The following VPS37A variants were observed in gnomAD, a reference collection of about 807,000 sequenced individuals.
The protein encoded by VPS37A is VPS37A subunit of ESCRT-I.
VPS37A carries 30 observed loss-of-function variants against 49.8 expected under a neutral mutation model. That is an observed-to-expected ratio of 0.60 (90% CI 0.45 to 0.82). The LOEUF is 0.82. Among genes scored for constraint, VPS37A ranks in the 40% least tolerant of loss-of-function variants. The pLI is 0.00. For missense variants in VPS37A, 593 were observed against 464.4 expected, an observed-to-expected ratio of 1.28 and a Z score of -2.55; for synonymous variants, 195 against 160.6, an observed-to-expected ratio of 1.21 and a Z score of -1.62.
At chr8:17,308,947 A>G in the VPS37A span, among the ~76,000 whole-genome samples, 1 of 152,196 alleles carries the variant, frequency 6.6e-6, no homozygotes, top group African/African-American at 2.4e-5. Context: ...GACTAAAGTG[A>G]ATCTCTGGAC....
downstream of VPS37A, chr8:17,300,095 C>A (rs768209858): frequency 2.1e-5 from 34 of 1,614,022 alleles, no homozygotes; most frequent in Non-Finnish European, 2.9e-5. Flanking sequence ...TTCATATTCC[C>A]ACTGTAATCC....
chr8:17,275,337 A>T (rs943813343), intron 5 of VPS37A, among the ~76,000 whole-genome samples: 1 of 152,222 alleles, frequency 6.6e-6, no homozygotes, highest in East Asian at 1.9e-4. Context: ...GCAGCTAAAC[A>T]AATGCATGCA....
In VPS37A at chr8:17,248,462, G is replaced by C. The variant is rs942276258; in HGVS notation, c.125+1093G>C. On this transcript the variant is annotated intron_variant, in intron 1 of 11. Transcript: ENST00000324849. ...GCTAATATTTTGTATTTTTAGTAGA[G>C]ACGGGGTTTCACCACATTGGTCAGG... is the stretch of plus-strand genomic sequence containing the variant. 4 of 442,752 alleles carry C rather than the reference G, an allele frequency of 9.0e-6. No homozygotes were observed. In the Admixed American group the frequency reaches 9.7e-5, roughly 11 times the overall value. The allele number at this position is 442,752 out of a possible 1,614,324, so 27.4% of individuals were successfully genotyped here.
the VPS37A span, among the ~76,000 whole-genome samples, chr8:17,327,069 G>C: frequency 1.1e-4 from 16 of 152,016 alleles, no homozygotes; most frequent in African/African-American, 3.9e-4. Flanking sequence ...GCAATTTTAC[G>C]ACCTGAATTT....
At chr8:17,269,745 T>A (rs1295395667) in intron 4 of VPS37A, among the ~76,000 whole-genome samples, 2 of 152,222 alleles carry the variant, frequency 1.3e-5, no homozygotes, top group Admixed American at 6.5e-5. Context: ...TTTCTTAGAT[T>A]TCATTTTTCC....
intron 4 of VPS37A, among the ~76,000 whole-genome samples, chr8:17,271,827 C>T (rs1448544432): frequency 2.0e-5 from 3 of 152,136 alleles, no homozygotes; most frequent in African/African-American, 7.2e-5. Context: ...AACAAAGGAT[C>T]TTCTAGCCCA....
chr8:17,329,068 T>A, the VPS37A span, among the ~76,000 whole-genome samples: 414 of 152,352 alleles, frequency 2.7e-3, no homozygotes, highest in South Asian at 4.8e-3. Context: ...TTATTCAGAA[T>A]CTATTCTGAT....
At chr8:17,260,904 T>C (rs1009588066) in intron 1 of VPS37A, among the ~76,000 whole-genome samples, 1 of 152,204 alleles carries the variant, frequency 6.6e-6, no homozygotes, top group Non-Finnish European at 1.5e-5. Flanking sequence ...ATCCTCTCTT[T>C]GTGCTTCACC....
At chr8:17,269,078 C>T (rs1813738746) in intron 4 of VPS37A, 122 bp downstream of exon 4, 6 of 659,366 alleles carry the variant, frequency 9.1e-6, no homozygotes, top group South Asian at 6.4e-5. Flanking sequence ...CCCACAAATA[C>T]ATCCATACTT....
Position 17,280,679 on chromosome 8 carries a change from C to T in VPS37A, c.969+236C>T, listed in dbSNP as rs17502646. Among the ~76,000 whole-genome samples, 2,306 of 152,032 alleles carry T rather than the reference C, an allele frequency of 0.015. 31 individuals carry two copies. Among genetic ancestry groups the T allele is most frequent in the Non-Finnish European group, 0.025 (1,717 of 67,854 alleles). The stretch of plus-strand genomic sequence containing the variant: ...CAGAAAATTATGACAGGCCCTGACA[C>T]ATAACTTTTCTGGGTAAGTTATGAA... On this transcript the variant is annotated intron_variant, in intron 9 of 11. Coordinates refer to ENST00000324849, the MANE Select transcript of VPS37A (RefSeq NM_152415.3).
intron 4 of VPS37A, among the ~76,000 whole-genome samples, chr8:17,270,159 C>T (rs934148223): frequency 6.6e-6 from 1 of 152,120 alleles, no homozygotes; most frequent in African/African-American, 2.4e-5. Context: ...CCCCATGATC[C>T]AGTCACCTCC....
At chr8:17,284,409 C>T in intron 9 of VPS37A, 64 bp from the exon 10 acceptor site, 2 of 1,504,588 alleles carry the variant, frequency 1.3e-6, no homozygotes, top group South Asian at 1.4e-5. Flanking sequence ...ACCTTACTTC[C>T]TTTCCCTGTG....
At chr8:17,255,447 C>G (rs1208121657) in intron 1 of VPS37A, among the ~76,000 whole-genome samples, 1 of 152,106 alleles carries the variant, frequency 6.6e-6, no homozygotes, top group Non-Finnish European at 1.5e-5. Context: ...TGACATTGCA[C>G]TCCAGCCTGG....
chr8:17,325,536 C>T, the VPS37A span, among the ~76,000 whole-genome samples: 9 of 152,166 alleles, frequency 5.9e-5, no homozygotes, highest in Admixed American at 6.6e-5. Context: ...ATCTGCTTGG[C>T]CCCCTTTCAT....
At chr8:17,291,288 C>T (rs1192144003) in intron 11 of VPS37A, among the ~76,000 whole-genome samples, 1 of 152,208 alleles carries the variant, frequency 6.6e-6, no homozygotes, top group Non-Finnish European at 1.5e-5. Flanking sequence ...GCTGGGATTA[C>T]AGGTGTGAGC....
intron 1 of VPS37A, among the ~76,000 whole-genome samples, chr8:17,260,035 C>G (rs1812828341): frequency 6.6e-6 from 1 of 151,950 alleles, no homozygotes; most frequent in Non-Finnish European, 1.5e-5. Flanking sequence ...CCACTTAATG[C>G]CTTTTAATTG....
At chr8:17,280,547 T>G in intron 9 of VPS37A, 104 bp downstream of exon 9, 1 of 1,033,652 alleles carries the variant, frequency 9.7e-7, no homozygotes, top group Non-Finnish European at 1.4e-6. Flanking sequence ...ATTTATGAGG[T>G]ATCTGACCTT....
intron 4 of VPS37A, among the ~76,000 whole-genome samples, chr8:17,272,873 C>T (rs1397075705): frequency 6.6e-6 from 1 of 151,690 alleles, no homozygotes; most frequent in Non-Finnish European, 1.5e-5. Flanking sequence ...TCCCTTGCAG[C>T]TTAATTTTTT....
downstream of VPS37A, chr8:17,300,174 A>T: frequency 5.6e-6 from 9 of 1,613,844 alleles, no homozygotes; most frequent in Admixed American, 1.7e-5. Flanking sequence ...CACTTTGCTT[A>T]CTCTTCACCT....
Sources: gnomAD v4.1 joint callset for allele counts (sites outside exome capture counted in the v4.1 genomes callset) on GRCh38, gnomAD v4.1.1 for gene constraint, MANE v1.5 for transcripts, NCBI Gene and HGNC (gene_info 2026-07-23, HGNC 2026-07-21) for gene names.